ANAPC2: variants seen among roughly 807,000 people sequenced by gnomAD.
ANAPC2 encodes the protein anaphase promoting complex subunit 2.
Under a neutral mutation model 84.3 loss-of-function variants are expected in ANAPC2, and 29 were observed. The ratio of observed to expected loss-of-function variants is 0.34; its 90% CI spans 0.26 to 0.47. The LOEUF is 0.47. Ranked by LOEUF, ANAPC2 falls within the 20% of genes least tolerant of loss-of-function variation. ANAPC2 has a pLI of 1.00. For synonymous variants in ANAPC2, 571 were observed against 479.4 expected, an observed-to-expected ratio of 1.19 and a Z score of -2.50; for missense variants, 857 against 1,131.7, an observed-to-expected ratio of 0.76 and a Z score of 3.48.
At position 137,187,956 on chromosome 9, in the gene ANAPC2, G is replaced by C; in HGVS notation, c.265C>G (p.Pro89Ala). Reference protein sequence around the residue: ...LQNDLQANISPEFWNAISQCE... With the variant: ...LQNDLQANISAEFWNAISQCE... ...TGGGAGATGGCATTCCAGAACTCAG[G>C]GGAGATGTTGGCCTGCAGATCGTTC... is the stretch of plus-strand genomic sequence containing the variant. The change falls in exon 2 of 13, where the codon CCT becomes GCT. Residue 89 changes from proline to alanine, a missense_variant. Physicochemically the swap from Pro to Ala is conservative, Grantham distance 27. Coordinates refer to ENST00000323927, the MANE Select transcript of ANAPC2 (RefSeq NM_013366.4). 1 of 1,613,904 alleles carries C rather than the reference G, an allele frequency of 6.2e-7. No individual in the cohort carries two copies. Among genetic ancestry groups the C allele is most frequent in the Non-Finnish European group, 8.5e-7 (1 of 1,180,034 alleles).
intron 10 of ANAPC2, chr9:137,176,273 G>A (rs1834209294): frequency 1.2e-5 from 2 of 160,956 alleles, no homozygotes; most frequent in Non-Finnish European, 2.7e-5. Flanking sequence ...AACACCAAGG[G>A]CTGTGGCAAA....
intron 2 of ANAPC2, chr9:137,186,583 C>T (rs1394985697): frequency 6.8e-6 from 4 of 584,916 alleles, no homozygotes; most frequent in Non-Finnish European, 1.2e-5. Context: ...CTGTCCCCGC[C>T]CAGCTGGCCT....
At chr9:137,184,462 A>G (rs1409001121) in intron 4 of ANAPC2, among the ~76,000 whole-genome samples, 1 of 117,912 alleles carries the variant, frequency 8.5e-6, no homozygotes, top group African/African-American at 3.2e-5. Context: ...CAGGGAGCCC[A>G]AGACGCAGAC....
At chr9:137,180,981 G>T in intron 7 of ANAPC2, 52 bp from the exon 8 acceptor site, 1 of 1,595,404 alleles carries the variant, frequency 6.3e-7, no homozygotes. Context: ...GGCAAGGACA[G>T]GGCCGCCCTC....
intron 2 of ANAPC2, chr9:137,186,811 C>T (rs1310973149): frequency 1.2e-5 from 2 of 168,794 alleles, no homozygotes; most frequent in Non-Finnish European, 2.6e-5. Context: ...GAAAAGTTGC[C>T]GTGTAACTTT....
Position 137,188,264 on chromosome 9 carries a change from G to C in ANAPC2, c.117+152C>G, listed in dbSNP as rs1265656919. The C allele has an allele frequency of 3.9e-6, 5 of 1,291,862 alleles. No individual in the cohort carries two copies. The East Asian group carries it at 1.3e-4, about 32-fold the overall frequency. The allele number at this position is 1,291,862 out of a possible 1,614,324, so 80.0% of individuals were successfully genotyped here. A position where few individuals can be genotyped will look rare whatever the true frequency, so the allele number is the denominator to read the frequency against. On this transcript the variant is annotated intron_variant, in intron 1 of 12. Transcript: ENST00000323927. ...CTATGGAAGGGCTGTCAGCGGAGCTGAACGAAACGAAACGGAAAGGTGGTG... is the reference window on the plus strand; with the variant it reads ...CTATGGAAGGGCTGTCAGCGGAGCTCAACGAAACGAAACGGAAAGGTGGTG...
rs760807828 is a variant in ANAPC2, at chr9:137,180,418, G to A, written c.1686+34C>T. The A allele has an allele frequency of 2.6e-5, 42 of 1,612,574 alleles. No homozygotes were observed. The South Asian group carries it at 4.0e-4, about 15-fold the overall frequency. On this transcript the variant is annotated intron_variant, in intron 9 of 12. Transcript: ENST00000323927. ...GAGCCGGTGTCACGGGGGACCTGCG[G>A]GGCGGCCGGGCAGCGGGCGGGGCTG...
chr9:137,175,346 A>G lies in ANAPC2; in HGVS notation c.2147T>C (p.Ile716Thr). 1.9e-6 allele frequency: 3 copies of G among 1,612,468 alleles called. No homozygotes were observed. The highest frequency in any genetic ancestry group is 2.5e-6 in the Non-Finnish European group (3 of 1,179,790). ...REEPPGTFSV[I>T]EEERPQDRDN... ...CCGGTCCTGAGGCCGCTCCTCCTCAATGACAGAGAAGGTGCCGGGGGGCTC... is the reference window on the plus strand; with the variant it reads ...CCGGTCCTGAGGCCGCTCCTCCTCAGTGACAGAGAAGGTGCCGGGGGGCTC... Residue 716 changes from isoleucine (I) to threonine (T), a missense_variant, in exon 12 of 13, where the codon ATT (isoleucine) becomes ACT (threonine). Ile to Thr is a moderately conservative substitution (Grantham distance 89, BLOSUM62 -1). Around this residue, in one of 3 missense-constraint regions of ANAPC2, gnomAD observed 425 missense variants for 595.5 expected, o/e 0.71. Coordinates refer to ENST00000323927, the MANE Select transcript of ANAPC2 (RefSeq NM_013366.4).
intron 2 of ANAPC2, 50 bp downstream of exon 2, chr9:137,187,431 G>T: frequency 6.4e-7 from 1 of 1,556,536 alleles, no homozygotes; most frequent in Non-Finnish European, 8.7e-7. Context: ...CAGGGGAGCA[G>T]CGGGGAACCA....
At chr9:137,181,593 G>A (rs1288547026) in intron 7 of ANAPC2, 88 bp downstream of exon 7, 2 of 1,361,566 alleles carry the variant, frequency 1.5e-6, no homozygotes, top group Non-Finnish European at 1.9e-6. Context: ...ACACAGCCAA[G>A]CTCTGTGACA....
intron 1 of ANAPC2, 22 bp from the exon 2 acceptor site, chr9:137,188,125 G>A (rs1482719408): frequency 1.2e-6 from 2 of 1,602,846 alleles, no homozygotes; most frequent in African/African-American, 1.3e-5. Flanking sequence ...AAAACCGTGA[G>A]GCGAGGGGAA....
intron 4 of ANAPC2, 36 bp downstream of exon 4, chr9:137,184,877 A>G (rs753534939): frequency 5.2e-5 from 84 of 1,603,884 alleles, no homozygotes; most frequent in Non-Finnish European, 6.7e-5. Flanking sequence ...GACTCCCCAG[A>G]CGGGAGAGCG....
chr9:137,177,710 A>G (rs765582213), intron 10 of ANAPC2, among the ~76,000 whole-genome samples: 9 of 152,220 alleles, frequency 5.9e-5, no homozygotes, highest in Non-Finnish European at 1.2e-4. Context: ...ATGACACATG[A>G]ACCCCTAACT....
At position 137,174,963 on chromosome 9, in the gene ANAPC2, G is replaced by T; in HGVS notation, c.2448C>A (p.Arg816=). 6.3e-7 allele frequency: 1 copy of T among 1,586,284 alleles called. No homozygotes were observed. The highest frequency in any genetic ancestry group is 1.7e-5 in the Admixed American group (1 of 57,670). Reference sequence around the variant, plus strand: ...TGTGTCAGCTGCAGTTCTTGGGCAGGCGGTAGACGCCGGCCGAGTAGACGA... The same window carrying T: ...TGTGTCAGCTGCAGTTCTTGGGCAGTCGGTAGACGCCGGCCGAGTAGACGA... ...QQLVYSAGVY[R]LPKNCS Residue 816 remains arginine (R), a synonymous_variant, in exon 13 of 13, where the codon CGC becomes CGA. Transcript: ENST00000323927. This position sits in a 1 kb window ranked among gnomAD's most constrained non-coding sequence, Gnocchi z 6.1.
chr9:137,188,483 C>T lies in ANAPC2; in HGVS notation c.50G>A (p.Gly17Glu). ...GTTCCAGGCCACTAACAACTCCTGT[C>T]CGGGCCGGGAGTCGCTGTCCCCCTC... ...VAEGDSDSRPGQELLVAWNTV... is the reference protein window; with the variant it reads ...VAEGDSDSRPEQELLVAWNTV... The change falls in exon 1 of 13, where the codon GGA (glycine) becomes GAA (glutamate). Residue 17 changes from glycine (G) to glutamate (E), a missense_variant. Coordinates refer to ENST00000323927, the MANE Select transcript of ANAPC2 (RefSeq NM_013366.4). 2 of 1,610,370 alleles carry T rather than the reference C, an allele frequency of 1.2e-6. No individual in the cohort carries two copies. Among genetic ancestry groups the T allele is most frequent in the Non-Finnish European group, 8.5e-7 (1 of 1,179,504 alleles).
intron 5 of ANAPC2, chr9:137,183,467 C>T: frequency 1.2e-6 from 1 of 821,392 alleles, no homozygotes; most frequent in Non-Finnish European, 1.9e-6. Context: ...ACCTACCGGT[C>T]AGTCCTGACT....
rs780876268 is a variant in ANAPC2 at position 137,187,467 on chromosome 9, G to A, written c.740+14C>T. On this transcript the variant is annotated intron_variant, in intron 2 of 12. Transcript: ENST00000323927. Reference sequence around the variant, plus strand: ...GAAGGAGCAAGGGCATGGCCATCGGGACAGACTACTCACAAGACCTGGCTG... The same window carrying A: ...GAAGGAGCAAGGGCATGGCCATCGGAACAGACTACTCACAAGACCTGGCTG... 21 of 1,598,926 alleles carry A rather than the reference G, an allele frequency of 1.3e-5. No individual in the cohort carries two copies. Among genetic ancestry groups the A allele is most frequent in the East Asian group, 2.2e-5 (1 of 44,576 alleles).
rs535833337 is a variant in ANAPC2, at chr9:137,185,167, G to A, written c.874-80C>T. 3,472 of 1,382,158 alleles carry A rather than the reference G, an allele frequency of 2.5e-3. 6 individuals carry two copies. The highest frequency in any genetic ancestry group is 4.3e-3 in the Middle Eastern group (23 of 5,370). The allele number at this position is 1,382,158 out of a possible 1,614,324, so 85.6% of individuals were successfully genotyped here. A position where few individuals can be genotyped will look rare whatever the true frequency, so the allele number is the denominator to read the frequency against. ...ACTCAGAGGCTGGGAGGAGCCTCAC[G>A]GCCACCCACCCTGTCGGCCGGGACC... On this transcript the variant is annotated intron_variant, in intron 3 of 12. Transcript: ENST00000323927.
intron 4 of ANAPC2, 143 bp from the exon 5 acceptor site, chr9:137,183,934 T>A (rs1390429736): frequency 4.5e-6 from 5 of 1,115,748 alleles, no homozygotes; most frequent in African/African-American, 1.6e-5. Context: ...GCACCAGACA[T>A]CCCCCCGACA....
Sources: allele counts gnomAD v4.1 joint callset (sites outside exome capture counted in the v4.1 genomes callset), GRCh38; gene constraint gnomAD v4.1.1; regional missense constraint gnomAD v4.1.1; non-coding constraint Gnocchi (gnomAD v3.1); transcripts MANE v1.5; gene names NCBI Gene and HGNC (gene_info 2026-07-23, HGNC 2026-07-21).